MYO6: variants seen among roughly 807,000 people sequenced by gnomAD.
The protein encoded by MYO6 is myosin VI.
MYO6 carries 74 observed loss-of-function variants against 178.7 expected under a neutral mutation model. That is an observed-to-expected ratio of 0.41 (90% CI 0.34 to 0.50). The LOEUF (loss-of-function observed/expected upper bound fraction) is 0.50. Among genes scored for constraint, MYO6 ranks in the 20% least tolerant of loss-of-function variants. The pLI is 0.09. For missense variants in MYO6, 1,330 were observed against 1,547.4 expected, an observed-to-expected ratio of 0.86 and a Z score of 2.36; for synonymous variants, 477 against 504.6, an observed-to-expected ratio of 0.95 and a Z score of 0.73.
intron 1 of MYO6, among the ~76,000 whole-genome samples, chr6:75,779,006 G>A (rs895304130): frequency 2.2e-5 from 3 of 139,474 alleles, no homozygotes; most frequent in East Asian, 2.2e-4. Context: ...GCAGTGAACC[G>A]TGATCCCGCC....
intron 1 of MYO6, among the ~76,000 whole-genome samples, chr6:75,760,224 C>T (rs1227649249): frequency 6.6e-6 from 1 of 152,098 alleles, no homozygotes; most frequent in Non-Finnish European, 1.5e-5. Context: ...CTTGCAGTTG[C>T]TGATATTTTG....
Position 75,850,936 on chromosome 6 carries a change from G to T in MYO6, c.1078+2405G>T, listed in dbSNP as rs1189027829. ...AAGCAAAATTAGATATGTTCTTAAT[G>T]TGCATTAAAATTTTTTGTTTTTTTT... On this transcript the variant is annotated intron_variant, in intron 11 of 34. Coordinates refer to ENST00000369977, the MANE Select transcript of MYO6 (RefSeq NM_004999.4). 2.0e-5 allele frequency among the ~76,000 whole-genome samples: 3 copies of T among 151,770 alleles called. No individual in the cohort carries two copies. The East Asian group carries it at 5.8e-4, about 29-fold the overall frequency.
chr6:75,840,756 A>AT (rs1774142692), intron 8 of MYO6, 74 bp downstream of exon 8: 2 of 1,078,458 alleles, frequency 1.9e-6, no homozygotes, highest in Non-Finnish European at 2.8e-6. Flanking sequence ...TTGGTGCTGT[A>AT]TTTGCACTTA....
chr6:75,837,942 C>G (rs185659123), intron 7 of MYO6, among the ~76,000 whole-genome samples: 1 of 152,112 alleles, frequency 6.6e-6, no homozygotes, highest in African/African-American at 2.4e-5. Context: ...TGCACACTCA[C>G]TTAATAATTG....
At chr6:75,845,114 C>T in intron 10 of MYO6, 137 bp downstream of exon 10, 1 of 707,876 alleles carries the variant, frequency 1.4e-6, no homozygotes, top group East Asian at 2.6e-5. Flanking sequence ...AAATATTCAT[C>T]TAAGTCTCTG....
intron 1 of MYO6, among the ~76,000 whole-genome samples, chr6:75,766,114 G>A (rs192741464): frequency 3.3e-5 from 5 of 152,292 alleles, no homozygotes; most frequent in African/African-American, 1.2e-4. Context: ...CTTGAGGCCA[G>A]GAGTTCGAGA....
chr6:75,875,803 C>G (rs1777528114), intron 20 of MYO6, among the ~76,000 whole-genome samples: 1 of 152,140 alleles, frequency 6.6e-6, no homozygotes, highest in South Asian at 2.1e-4. Flanking sequence ...CTGTAGCTTC[C>G]TAAGTATTCT....
At chr6:75,804,844 A>G (rs1769840996) in intron 1 of MYO6, among the ~76,000 whole-genome samples, 1 of 149,462 alleles carries the variant, frequency 6.7e-6, no homozygotes, top group African/African-American at 2.5e-5. Flanking sequence ...TAATACCCTA[A>G]CATATATATA....
At chr6:75,796,593 C>G (rs1006149253) in intron 1 of MYO6, among the ~76,000 whole-genome samples, 2 of 150,806 alleles carry the variant, frequency 1.3e-5, no homozygotes, top group African/African-American at 4.9e-5. Flanking sequence ...TCCTTCTCTG[C>G]CCCCTCTAGT....
intron 1 of MYO6, among the ~76,000 whole-genome samples, chr6:75,808,907 A>T (rs1025514853): frequency 6.6e-6 from 1 of 152,176 alleles, no homozygotes; most frequent in Non-Finnish European, 1.5e-5. Flanking sequence ...TAGATAAGAG[A>T]CAAACTATTG....
intron 7 of MYO6, among the ~76,000 whole-genome samples, chr6:75,837,090 C>T (rs1394806803): frequency 2.6e-5 from 4 of 152,164 alleles, no homozygotes; most frequent in Non-Finnish European, 5.9e-5. Flanking sequence ...ACAGGCTTCT[C>T]TGAACACTTT....
intron 1 of MYO6, among the ~76,000 whole-genome samples, chr6:75,778,315 C>G (rs865949651): frequency 3.9e-5 from 6 of 152,248 alleles, no homozygotes; most frequent in South Asian, 2.1e-4. Context: ...AAATTTCTGG[C>G]CGGGCACAGT....
At position 75,844,958 on chromosome 6, in the gene MYO6, A is replaced by G; in HGVS notation, c.878A>G (p.Gln293Arg). The G allele has an allele frequency of 6.2e-7, 1 of 1,613,096 alleles. No homozygotes were observed. Among genetic ancestry groups the G allele is most frequent in the Non-Finnish European group, 8.5e-7 (1 of 1,179,222 alleles). ...ANKETDKQIL[Q>R]NRKSPEYLKA... ...AAAGAAACTGACAAACAGATTTTAC[A>G]GAACCGCAAAAGTCCTGAGGTATAG... Residue 293 changes from glutamine (Q) to arginine (R), a missense_variant, in exon 10 of 35, where the codon CAG (glutamine) becomes CGG (arginine). This residue lies in a region of MYO6 where 613 missense variants were observed against 816.8 expected (regional missense o/e 0.75). Transcript: ENST00000369977.
At chr6:75,825,894 CTAAT>C (rs888984827) in intron 3 of MYO6, among the ~76,000 whole-genome samples, 2 of 152,056 alleles carry the variant, frequency 1.3e-5, no homozygotes, top group South Asian at 2.1e-4. Context: ...TATAAAGAAA[CTAAT>C]TGTTTATTCA....
intron 32 of MYO6, among the ~76,000 whole-genome samples, chr6:75,910,144 A>G (rs987308927): frequency 6.6e-6 from 1 of 152,208 alleles, no homozygotes; most frequent in Non-Finnish European, 1.5e-5. Flanking sequence ...CTAATTGAAC[A>G]CAACAAAATG....
chr6:75,904,241 G>A (rs887221483), intron 30 of MYO6, among the ~76,000 whole-genome samples: 6 of 149,572 alleles, frequency 4.0e-5, no homozygotes, highest in South Asian at 2.1e-4. Flanking sequence ...TCTTTGTGGC[G>A]TTCTCTGTAT....
At chr6:75,765,267 C>T (rs896369061) in intron 1 of MYO6, among the ~76,000 whole-genome samples, 4 of 149,076 alleles carry the variant, frequency 2.7e-5, no homozygotes, top group African/African-American at 7.5e-5. Flanking sequence ...ACCTCCACCC[C>T]CTGGGTCCAA....
chr6:75,790,555 A>G (rs11964177), intron 1 of MYO6, among the ~76,000 whole-genome samples: 2,450 of 151,526 alleles, frequency 0.016, 64 homozygotes, highest in African/African-American at 0.057. Flanking sequence ...CTTATTTTTA[A>G]ATTTTTAGTA....
rs1389719198 is a variant in MYO6 at position 75,916,909 on chromosome 6, A to T, written c.*1897A>T. ...CCTTAGTTTTTGACTCTAATAGTTA[A>T]TACAATTATAGTTAATCTTAAGCCA... is the stretch of plus-strand genomic sequence containing the variant. On this transcript the variant is annotated 3_prime_UTR_variant, in exon 35 of 35. Coordinates refer to ENST00000369977, the MANE Select transcript of MYO6 (RefSeq NM_004999.4). 3.3e-5 allele frequency: 5 copies of T among 152,222 alleles called. No individual in the cohort carries two copies. The highest frequency in any genetic ancestry group is 3.3e-4 in the Admixed American group (5 of 15,286). 9.4% of individuals were successfully genotyped at this position (152,222 alleles called of 1,614,324 possible).
Sources: allele counts gnomAD v4.1 joint callset (sites outside exome capture counted in the v4.1 genomes callset), GRCh38; gene constraint gnomAD v4.1.1; regional missense constraint gnomAD v4.1.1; transcripts MANE v1.5; gene names NCBI Gene and HGNC (gene_info 2026-07-23, HGNC 2026-07-21).